BICC1: variants seen among roughly 807,000 people sequenced by gnomAD.
The protein encoded by BICC1 is protein bicaudal C homolog 1.
BICC1 carries 43 observed loss-of-function variants against 111.0 expected under a neutral mutation model. The ratio of observed to expected loss-of-function variants is 0.39; its 90% CI spans 0.30 to 0.50. The LOEUF is 0.50. BICC1 is among the 20% of genes least tolerant of loss of function. The pLI is 0.88. For missense variants in BICC1, 1,091 were observed against 1,203.2 expected (o/e 0.91, Z 1.38); for synonymous variants, 467 against 434.4 (o/e 1.07, Z -0.93).
chr10:58,689,970 C>T (rs1372484638), intron 2 of BICC1, among the ~76,000 whole-genome samples: 1 of 152,106 alleles, frequency 6.6e-6, no homozygotes, highest in Admixed American at 6.5e-5. Context: ...GGGAAAGGAC[C>T]TGTATGGGAT....
At chr10:58,739,884 C>G (rs567748613) in intron 3 of BICC1, among the ~76,000 whole-genome samples, 19 of 152,118 alleles carry the variant, frequency 1.2e-4, no homozygotes, top group Admixed American at 5.2e-4. Context: ...AGAAGGTTGC[C>G]CCTTTGAATT....
intron 1 of BICC1, among the ~76,000 whole-genome samples, chr10:58,543,833 T>TAAAA (rs11393752): frequency 1.5e-5 from 2 of 135,002 alleles, no homozygotes; most frequent in Non-Finnish European, 3.1e-5. Flanking sequence ...TAACCATAAT[T>TAAAA]AAAAAAAAAA....
chr10:58,565,454 A>G (rs982851328), intron 1 of BICC1, among the ~76,000 whole-genome samples: 1 of 152,152 alleles, frequency 6.6e-6, no homozygotes, highest in South Asian at 2.1e-4. Flanking sequence ...TGTGTAGCCT[A>G]TTCCTTGGGG....
chr10:58,726,322 A>C (rs556714092), intron 3 of BICC1, among the ~76,000 whole-genome samples: 3 of 152,204 alleles, frequency 2.0e-5, no homozygotes, highest in Admixed American at 2.0e-4. Flanking sequence ...TGGATTTTAC[A>C]TGTCTTATAA....
Position 58,661,613 on chromosome 10 carries a change from A to G in BICC1, c.238-40461A>G, listed in dbSNP as rs569453597. 2.8e-4 allele frequency among the ~76,000 whole-genome samples: 43 copies of G among 152,310 alleles called. No homozygotes were observed. In the South Asian group the frequency reaches 8.5e-3, roughly 30 times the overall value. The stretch of plus-strand genomic sequence containing the variant: ...GTTTAAACAATTAGAATTAAGGTAT[A>G]GAGTTACCTACATATGCTGTGTTCG... On this transcript the variant is annotated intron_variant, in intron 2 of 20. Coordinates refer to ENST00000373886, the MANE Select transcript of BICC1 (RefSeq NM_001080512.3).
At chr10:58,772,319 G>C (rs1458873093) in intron 3 of BICC1, among the ~76,000 whole-genome samples, 1 of 152,020 alleles carries the variant, frequency 6.6e-6, no homozygotes, top group South Asian at 2.1e-4. Context: ...ACAACAATTA[G>C]ATTCAGTTGT....
intron 3 of BICC1, among the ~76,000 whole-genome samples, chr10:58,740,937 C>A (rs569940376): frequency 2.6e-5 from 4 of 152,148 alleles, no homozygotes; most frequent in African/African-American, 9.7e-5. Context: ...TTTCATTAAC[C>A]GTGGGAAATT....
chr10:58,564,901 A>G (rs1425319238), intron 1 of BICC1, among the ~76,000 whole-genome samples: 1 of 152,232 alleles, frequency 6.6e-6, no homozygotes, highest in Admixed American at 6.5e-5. Flanking sequence ...TTTTCATTTT[A>G]TATAATATTG....
At chr10:58,728,079 G>A (rs1361399742) in intron 3 of BICC1, among the ~76,000 whole-genome samples, 1 of 152,188 alleles carries the variant, frequency 6.6e-6, no homozygotes, top group East Asian at 1.9e-4. Flanking sequence ...TCAGAATGAT[G>A]GTTGCTGAAG....
intron 17 of BICC1, among the ~76,000 whole-genome samples, chr10:58,808,762 CTGCAG>C: frequency 6.7e-6 from 1 of 149,580 alleles, no homozygotes; most frequent in Middle Eastern, 3.5e-3. Flanking sequence ...CCCCCCTAAG[CTGCAG>C]TGCAGTGGCA....
intron 3 of BICC1, among the ~76,000 whole-genome samples, chr10:58,713,942 T>C (rs1005848196): frequency 4.6e-5 from 7 of 152,230 alleles, no homozygotes; most frequent in African/African-American, 1.7e-4. Flanking sequence ...GTTCTCCACC[T>C]GAGGTGATTT....
chr10:58,568,723 A>G (rs1843848180), intron 1 of BICC1, among the ~76,000 whole-genome samples: 1 of 151,908 alleles, frequency 6.6e-6, no homozygotes, highest in South Asian at 2.1e-4. Context: ...ACATCTTCAC[A>G]TTTTTTCCTA....
chr10:58,825,205 G>A (rs759178443), intron 20 of BICC1, among the ~76,000 whole-genome samples: 34 of 152,120 alleles, frequency 2.2e-4, no homozygotes, highest in Non-Finnish European at 4.0e-4. Flanking sequence ...GACTCAAGAA[G>A]TATAGGGTTC....
At chr10:58,632,290 A>G in intron 2 of BICC1, among the ~76,000 whole-genome samples, 1 of 152,236 alleles carries the variant, frequency 6.6e-6, no homozygotes, top group East Asian at 1.9e-4. Flanking sequence ...GTTAGCATGC[A>G]TGTGTGCAGG....
chr10:58,824,367 C>T (rs1322345280), intron 20 of BICC1, among the ~76,000 whole-genome samples: 1 of 152,152 alleles, frequency 6.6e-6, no homozygotes, highest in East Asian at 1.9e-4. Flanking sequence ...GCTTGTCATA[C>T]AATAAGGCTA....
In BICC1 at chr10:58,756,626, CTTTTTTTTTTTTTTTTTTT is replaced by C. The variant is rs66709538; in HGVS notation, c.308-28361_308-28343del. On this transcript the variant is annotated intron_variant, in intron 3 of 20. Transcript: ENST00000373886. ...CCAGGACCCTTTAGCAACTACTAGCCTTTTTTTTTTTTTTTTTTTTTTTTTTTTTTTTGCCAGAGTCTTC... is the reference window on the plus strand; with the variant it reads ...CCAGGACCCTTTAGCAACTACTAGCCTTTTTTTTTTTTTGCCAGAGTCTTC... Among the ~76,000 whole-genome samples, 290 of 135,914 alleles carry C rather than the reference CTTTTTTTTTTTTTTTTTTT, an allele frequency of 2.1e-3. 3 individuals carry two copies. The highest frequency in any genetic ancestry group is 4.1e-3 in the South Asian group (18 of 4,420). The allele number at this position is 135,914 out of a possible 152,430, so 89.2% of individuals were successfully genotyped here.
chr10:58,715,819 A>G, intron 3 of BICC1: 1 of 1,304,808 alleles, frequency 7.7e-7, no homozygotes, highest in Non-Finnish European at 1.1e-6. Context: ...AGCTCATCCA[A>G]AAAAAAGACA....
At chr10:58,744,025 G>A (rs988566398) in intron 3 of BICC1, among the ~76,000 whole-genome samples, 2 of 151,920 alleles carry the variant, frequency 1.3e-5, no homozygotes, top group Admixed American at 6.6e-5. Flanking sequence ...TTAATTCCAC[G>A]CTAATGAACT....
At chr10:58,593,791 A>G (rs1390984335) in intron 1 of BICC1, among the ~76,000 whole-genome samples, 4 of 152,148 alleles carry the variant, frequency 2.6e-5, no homozygotes, top group African/African-American at 9.7e-5. Context: ...AATGCTAAAA[A>G]TTCCAAAAAC....
Sources: gnomAD v4.1 joint callset for allele counts (sites outside exome capture counted in the v4.1 genomes callset) on GRCh38, gnomAD v4.1.1 for gene constraint, MANE v1.5 for transcripts, NCBI Gene and HGNC (gene_info 2026-07-23, HGNC 2026-07-21) for gene names.